STARD6: variants seen among roughly 807,000 people sequenced by gnomAD.
STARD6 encodes the protein StAR related lipid transfer domain containing 6, also known as stAR-related lipid transfer protein 6.
Under a neutral mutation model 22.3 loss-of-function variants are expected in STARD6, and 21 were observed. The observed-to-expected ratio is 0.94, with a 90% CI of 0.67 to 1.35. The LOEUF is 1.35. STARD6 is among the 40% of genes most tolerant of loss of function. The pLI, the probability that STARD6 is intolerant of heterozygous loss-of-function variation, is 0.00. For synonymous variants in STARD6, 80 were observed against 88.1 expected (o/e 0.91, Z 0.52); for missense variants, 269 against 266.9 (o/e 1.01, Z -0.05).
chr18:54,344,799 C>T (rs1338521952), intron 4 of STARD6, among the ~76,000 whole-genome samples: 1 of 152,162 alleles, frequency 6.6e-6, no homozygotes, highest in South Asian at 2.1e-4. Context: ...AACAACAAAA[C>T]CACATCATTT....
chr18:54,337,046 A>T, intron 5 of STARD6, 79 bp downstream of exon 5: 1 of 1,292,906 alleles, frequency 7.7e-7, no homozygotes, highest in South Asian at 1.7e-5. Context: ...TCTACATAAC[A>T]TAGTTTTAAT....
rs1353342860 is a variant in STARD6 at position 54,331,778 on chromosome 18, T to C, written c.349A>G (p.Ile117Val). 1 of 1,612,906 alleles carries C rather than the reference T, an allele frequency of 6.2e-7. No individual in the cohort carries two copies. Among genetic ancestry groups the C allele is most frequent in the Non-Finnish European group, 8.5e-7 (1 of 1,179,224 alleles). Residue 117 changes from isoleucine to valine, a missense_variant, in exon 6 of 8, where the codon ATC (isoleucine) becomes GTC (valine). Physicochemically the swap from Ile to Val is conservative, Grantham distance 29 (BLOSUM62 3). Coordinates refer to ENST00000307844, the MANE Select transcript of STARD6 (RefSeq NM_139171.2). ...TTCATATTTCCTTCGTAGCGCTTGA[T>C]GTACACTAAGTCGATAAAGTCTCGA... is the stretch of plus-strand genomic sequence containing the variant. ...SPRDFIDLVY[I>V]KRYEGNMNII...
intron 4 of STARD6, among the ~76,000 whole-genome samples, chr18:54,350,514 T>A (rs563961021): frequency 6.6e-6 from 1 of 152,306 alleles, no homozygotes; most frequent in East Asian, 1.9e-4. Flanking sequence ...ATTTTTGGTT[T>A]TGTTGCATTT....
At position 54,329,434 on chromosome 18, in the gene STARD6, C is replaced by G; in HGVS notation, c.392G>C (p.Ser131Thr). The change falls in exon 7 of 8, where the codon AGT (serine) becomes ACT (threonine). Residue 131 changes from serine (S) to threonine (T), a missense_variant. Transcript: ENST00000307844. Reference sequence around the variant, plus strand: ...TGGAGGATATTCTGGAAAATCCACACTTTTAGCTAAGAGATTTTAAAAAAT... The same window carrying G: ...TGGAGGATATTCTGGAAAATCCACAGTTTTAGCTAAGAGATTTTAAAAAAT... The part of the protein sequence containing the change: ...EGNMNIISSK[S>T]VDFPEYPPSS... 1 of 1,596,748 alleles carries G rather than the reference C, an allele frequency of 6.3e-7. No individual in the cohort carries two copies. Among genetic ancestry groups the G allele is most frequent in the South Asian group, 1.1e-5 (1 of 87,326 alleles).
At chr18:54,353,893 T>A in intron 4 of STARD6, 161 bp downstream of exon 4, 1 of 446,886 alleles carries the variant, frequency 2.2e-6, no homozygotes, top group Non-Finnish European at 4.0e-6. Flanking sequence ...GGTATCTGAT[T>A]GCTGTATTTT....
intron 4 of STARD6, among the ~76,000 whole-genome samples, chr18:54,341,355 G>A (rs903178728): frequency 2.6e-5 from 4 of 152,078 alleles, no homozygotes; most frequent in African/African-American, 4.8e-5. Flanking sequence ...CACCGTGCCC[G>A]GCCCACGTCA....
chr18:54,329,023 A>C (rs575830000), intron 7 of STARD6, among the ~76,000 whole-genome samples: 29 of 152,238 alleles, frequency 1.9e-4, no homozygotes, highest in African/African-American at 6.5e-4. Context: ...TTTAATTCAC[A>C]AAAGTTCCTT....
chr18:54,354,767 G>A (rs1370364), intron 2 of STARD6, among the ~76,000 whole-genome samples, 190 bp from the exon 3 acceptor site: 10,322 of 152,230 alleles, frequency 0.068, 407 homozygotes, highest in African/African-American at 0.09. Flanking sequence ...GTGGTATAGT[G>A]GAAAAATCTA....
rs889720066 is a variant in STARD6, at chr18:54,353,912, C to A, written c.140+142G>T. ...TCTGATTGCTGTATTTTATTATTAT[C>A]ACATTTCTGCCTAGTGACTTAATAA... On this transcript the variant is annotated intron_variant, in intron 4 of 7. Transcript: ENST00000307844. 8.2e-6 allele frequency: 4 copies of A among 489,890 alleles called. No homozygotes were observed. In the South Asian group the frequency reaches 1.6e-4, roughly 19 times the overall value. The allele number at this position is 489,890 out of a possible 1,614,324, so 30.3% of individuals were successfully genotyped here. A position where few individuals can be genotyped will look rare whatever the true frequency, so the allele number is the denominator to read the frequency against.
At chr18:54,339,056 A>C (rs1362922414) in intron 4 of STARD6, among the ~76,000 whole-genome samples, 1 of 144,752 alleles carries the variant, frequency 6.9e-6, no homozygotes, top group African/African-American at 2.5e-5. Context: ...AAAAAAAAAA[A>C]AAAAAAAAAA....
At chr18:54,345,911 A>G (rs2089029424) in intron 4 of STARD6, among the ~76,000 whole-genome samples, 1 of 152,186 alleles carries the variant, frequency 6.6e-6, no homozygotes, top group Non-Finnish European at 1.5e-5. Flanking sequence ...GCCTCACACC[A>G]TACAGAAAAT....
At chr18:54,331,137 A>T (rs2144667823) in intron 6 of STARD6, among the ~76,000 whole-genome samples, 1 of 152,300 alleles carries the variant, frequency 6.6e-6, no homozygotes, top group South Asian at 2.1e-4. Context: ...TGCCACTGTG[A>T]TACCCAAGTT....
chr18:54,357,070 C>T (rs1412553282), intron 1 of STARD6: 3 of 152,218 alleles, frequency 2.0e-5, no homozygotes, highest in Non-Finnish European at 4.4e-5. Context: ...GGTGGAACGT[C>T]GGATGAGCTG....
intron 4 of STARD6, among the ~76,000 whole-genome samples, chr18:54,341,491 T>C (rs950417494): frequency 1.3e-5 from 2 of 152,186 alleles, no homozygotes; most frequent in African/African-American, 4.8e-5. Context: ...TCTTCTCAAG[T>C]GCATCTGGTA....
At chr18:54,327,560 T>G (rs1365319824) in intron 7 of STARD6, among the ~76,000 whole-genome samples, 3 of 152,240 alleles carry the variant, frequency 2.0e-5, no homozygotes, top group Admixed American at 6.5e-5. Context: ...GTATTTATAA[T>G]CTACTGGATA....
chr18:54,347,151 C>T (rs953733437), intron 4 of STARD6, among the ~76,000 whole-genome samples: 15 of 152,036 alleles, frequency 9.9e-5, no homozygotes, highest in African/African-American at 2.9e-4. Flanking sequence ...CTCATCTAAT[C>T]TATTGCATAA....
At chr18:54,327,501 G>A (rs1599294068) in intron 7 of STARD6, among the ~76,000 whole-genome samples, 3 of 152,128 alleles carry the variant, frequency 2.0e-5, no homozygotes, top group Non-Finnish European at 4.4e-5. Context: ...ACTGTTAAAA[G>A]TTGTATTTAT....
chr18:54,329,326 A>G, intron 7 of STARD6, 21 bp downstream of exon 7: 1 of 1,521,360 alleles, frequency 6.6e-7, no homozygotes, highest in Non-Finnish European at 8.8e-7. Context: ...GTTAAAATAA[A>G]TAAGTGCAAA....
At chr18:54,333,397 C>G (rs934041682) in intron 5 of STARD6, among the ~76,000 whole-genome samples, 1 of 152,086 alleles carries the variant, frequency 6.6e-6, no homozygotes, top group East Asian at 1.9e-4. Flanking sequence ...TGCAGTGAGC[C>G]GAGATTGTGC....
Sources: allele counts gnomAD v4.1 joint callset (sites outside exome capture counted in the v4.1 genomes callset), GRCh38; gene constraint gnomAD v4.1.1; transcripts MANE v1.5; gene names NCBI Gene and HGNC (gene_info 2026-07-23, HGNC 2026-07-21).